The following SH3RF1 variants were observed in gnomAD, a reference collection of about 807,000 sequenced individuals.
The protein encoded by SH3RF1 is SH3 domain containing ring finger 1, also known as E3 ubiquitin-protein ligase SH3RF1.
In SH3RF1, 32 loss-of-function variants were observed where a neutral mutation model predicts 74.0. The ratio of observed to expected loss-of-function variants is 0.43; its 90% CI spans 0.33 to 0.58. The LOEUF (loss-of-function observed/expected upper bound fraction) is 0.58, where lower values mean the gene tolerates loss of function less well. Among genes scored for constraint, SH3RF1 ranks in the 20% least tolerant of loss-of-function variants. The pLI, the probability that SH3RF1 is intolerant of heterozygous loss-of-function variation, is 0.05. For synonymous variants in SH3RF1, 396 were observed against 439.6 expected (o/e 0.90, Z 1.24); for missense variants, 954 against 1,130.9 (o/e 0.84, Z 2.24).
At chr4:169,267,840 A>C (rs1436085067) in intron 2 of SH3RF1, among the ~76,000 whole-genome samples, 2 of 152,330 alleles carry the variant, frequency 1.3e-5, no homozygotes, top group East Asian at 3.9e-4. Flanking sequence ...GACATTTGAA[A>C]AAAATATTCT....
intron 2 of SH3RF1, among the ~76,000 whole-genome samples, chr4:169,257,179 C>T (rs1384213630): frequency 6.6e-6 from 1 of 152,146 alleles, no homozygotes; most frequent in Non-Finnish European, 1.5e-5. Flanking sequence ...TTTCCTATTA[C>T]CAGACACTTT....
chr4:169,106,008 A>AT (rs35495176), intron 11 of SH3RF1, among the ~76,000 whole-genome samples: 27,284 of 150,982 alleles, frequency 0.18, 2,581 homozygotes, highest in African/African-American at 0.24. Context: ...TTTTTTTGCA[A>AT]TTTTTTTTTA....
intron 10 of SH3RF1, among the ~76,000 whole-genome samples, chr4:169,112,208 C>T (rs1733255616): frequency 6.6e-6 from 1 of 152,142 alleles, no homozygotes; most frequent in East Asian, 1.9e-4. Flanking sequence ...TTATCAAATA[C>T]CTAGATATCT....
Position 169,123,825 on chromosome 4 carries a change from G to C in SH3RF1, c.1180-1559C>G, listed in dbSNP as rs888511795. 3.3e-5 allele frequency among the ~76,000 whole-genome samples: 5 copies of C among 152,106 alleles called. No homozygotes were observed. The South Asian group carries it at 8.3e-4, about 25-fold the overall frequency. ...GAGAATGGCGTGAACCCGGGAGGCGGAGCTTGCAGTGAGCCAAGATTGCGC... is the reference window on the plus strand; with the variant it reads ...GAGAATGGCGTGAACCCGGGAGGCGCAGCTTGCAGTGAGCCAAGATTGCGC... On this transcript the variant is annotated intron_variant, in intron 6 of 11. Coordinates refer to ENST00000284637, the MANE Select transcript of SH3RF1 (RefSeq NM_020870.4).
chr4:169,134,255 A>T (rs1733662981), intron 5 of SH3RF1, among the ~76,000 whole-genome samples: 1 of 152,224 alleles, frequency 6.6e-6, no homozygotes, highest in Non-Finnish European at 1.5e-5. Context: ...AATGGAACAC[A>T]GAAAGAGCCT....
chr4:169,221,859 G>A (rs146946574), intron 2 of SH3RF1, among the ~76,000 whole-genome samples: 1 of 152,266 alleles, frequency 6.6e-6, no homozygotes, highest in Non-Finnish European at 1.5e-5. Context: ...TCGTTACACA[G>A]TACAAACAGT....
intron 5 of SH3RF1, among the ~76,000 whole-genome samples, chr4:169,134,909 G>T (rs555409493): frequency 6.6e-6 from 1 of 152,250 alleles, no homozygotes; most frequent in African/African-American, 2.4e-5. Flanking sequence ...TGCGTTGTGC[G>T]TGTCTTTATT....
At chr4:169,204,070 T>C (rs1311857425) in intron 2 of SH3RF1, 2 of 152,246 alleles carry the variant, frequency 1.3e-5, no homozygotes, top group Non-Finnish European at 2.9e-5. Context: ...TAACTCATTT[T>C]AACCTCATTT....
chr4:169,126,024 T>A (rs1733518565), intron 6 of SH3RF1, among the ~76,000 whole-genome samples: 1 of 152,256 alleles, frequency 6.6e-6, no homozygotes, highest in African/African-American at 2.4e-5. Flanking sequence ...TGTTTCACTA[T>A]ACCAACCTGA....
chr4:169,191,040 T>A (rs1734696784), intron 2 of SH3RF1, among the ~76,000 whole-genome samples: 1 of 152,100 alleles, frequency 6.6e-6, no homozygotes, highest in Non-Finnish European at 1.5e-5. Flanking sequence ...CGATTAAAAC[T>A]CTGGGCAAAA....
intron 2 of SH3RF1, among the ~76,000 whole-genome samples, chr4:169,264,648 T>C (rs1386975542): frequency 6.6e-6 from 1 of 152,354 alleles, no homozygotes; most frequent in East Asian, 1.9e-4. Context: ...TCCAATCCCG[T>C]ATCTGTTCTG....
At chr4:169,121,816 T>C (rs991209218) in intron 7 of SH3RF1, among the ~76,000 whole-genome samples, 12 of 152,218 alleles carry the variant, frequency 7.9e-5, no homozygotes, top group African/African-American at 2.9e-4. Flanking sequence ...ACTAGTATTC[T>C]TATGCAAGAA....
intron 2 of SH3RF1, among the ~76,000 whole-genome samples, chr4:169,221,481 A>C (rs1267876848): frequency 6.6e-6 from 1 of 152,214 alleles, no homozygotes; most frequent in Non-Finnish European, 1.5e-5. Context: ...AAAATAGTGT[A>C]TAACATAAGA....
At chr4:169,162,356 T>C (rs567459133) in intron 2 of SH3RF1, among the ~76,000 whole-genome samples, 3 of 152,340 alleles carry the variant, frequency 2.0e-5, no homozygotes, top group South Asian at 2.1e-4. Context: ...TGGCCATCAC[T>C]ACTAATGTTT....
chr4:169,106,770 T>G, intron 11 of SH3RF1, 77 bp downstream of exon 11: 1 of 1,215,702 alleles, frequency 8.2e-7, no homozygotes, highest in Non-Finnish European at 1.1e-6. Context: ...CAAAACATCT[T>G]AAATATCACA....
In SH3RF1 at chr4:169,130,027, T is replaced by C. The variant is rs1189281045; in HGVS notation, c.1179+19A>G. ...TAAAGACCTAAAAGAGAAATAAAAA[T>C]GGGAGAAACTATACTCACTCCAAGG... On this transcript the variant is annotated intron_variant, in intron 6 of 11. Transcript: ENST00000284637. The C allele has an allele frequency of 1.3e-6, 2 of 1,596,554 alleles. No homozygotes were observed. The highest frequency in any genetic ancestry group is 1.7e-6 in the Non-Finnish European group (2 of 1,165,610).
chr4:169,129,138 G>A (rs532114237), intron 6 of SH3RF1, among the ~76,000 whole-genome samples: 6 of 152,274 alleles, frequency 3.9e-5, no homozygotes, highest in South Asian at 2.1e-4. Flanking sequence ...CACAACTTAC[G>A]ACTGTGGGCA....
At chr4:169,120,685 G>A (rs1733422516) in intron 8 of SH3RF1, 134 bp downstream of exon 8, 1 of 899,102 alleles carries the variant, frequency 1.1e-6, no homozygotes, top group African/African-American at 1.7e-5. Flanking sequence ...AGCAGATGTA[G>A]ACATGGATTT....
chr4:169,196,850 T>C (rs901089861), intron 2 of SH3RF1, among the ~76,000 whole-genome samples: 8 of 152,188 alleles, frequency 5.3e-5, no homozygotes, highest in Admixed American at 3.9e-4. Context: ...ACTTAATCTA[T>C]GAAGTAGGTC....
Sources: allele counts gnomAD v4.1 joint callset (sites outside exome capture counted in the v4.1 genomes callset), GRCh38; gene constraint gnomAD v4.1.1; transcripts MANE v1.5; gene names NCBI Gene and HGNC (gene_info 2026-07-23, HGNC 2026-07-21).